The following CERS2 variants were observed in gnomAD, a reference collection of about 807,000 sequenced individuals.
The protein encoded by CERS2 is ceramide synthase 2.
CERS2 carries 20 observed loss-of-function variants against 56.6 expected under a neutral mutation model. That is an observed-to-expected ratio of 0.35 (90% CI 0.25 to 0.51). The LOEUF (loss-of-function observed/expected upper bound fraction) is 0.51, where lower values mean the gene tolerates loss of function less well. Ranked by LOEUF, CERS2 falls within the 20% of genes least tolerant of loss-of-function variation. The probability of loss-of-function intolerance (pLI) is 0.96; values close to 1 mark genes in which losing one functional copy is unlikely to be tolerated. For synonymous variants in CERS2, 187 were observed against 175.4 expected (o/e 1.07, Z -0.52); for missense variants, 361 against 488.6 (o/e 0.74, Z 2.46).
intron 2 of CERS2, 88 bp downstream of exon 2, chr1:150,968,830 G>C (rs1378863274): frequency 7.0e-6 from 9 of 1,293,354 alleles, no homozygotes; most frequent in Non-Finnish European, 7.7e-6. Context: ...AGGGTCAAGG[G>C]CTAATTAAAC....
Position 150,974,784 on chromosome 1 carries a change from G to C in CERS2, c.-167C>G, listed in dbSNP as rs1571680703. ...CCTCCCTCCTCCGCCAGCCGCCGGCGCCGCCGCCGCCGCCCGCCGAGCCCA... is the reference window on the plus strand; with the variant it reads ...CCTCCCTCCTCCGCCAGCCGCCGGCCCCGCCGCCGCCGCCCGCCGAGCCCA... On this transcript the variant is annotated 5_prime_UTR_variant, in exon 1 of 11. Transcript: ENST00000368954. 6.6e-6 allele frequency: 1 copy of C among 152,368 alleles called. No individual in the cohort carries two copies. The highest frequency in any genetic ancestry group is 1.5e-5 in the Non-Finnish European group (1 of 68,764). 9.4% of individuals were successfully genotyped at this position (152,368 alleles called of 1,614,324 possible).
chr1:150,966,370 T>C, intron 10 of CERS2, 82 bp from the exon 11 acceptor site: 1 of 1,598,236 alleles, frequency 6.3e-7, no homozygotes, highest in Non-Finnish European at 8.5e-7. Flanking sequence ...CTTGTTCCTG[T>C]TATACCCAGG....
rs919223742 is a variant in CERS2, at chr1:150,967,552, C to T, written c.520-68G>A. The stretch of plus-strand genomic sequence containing the variant: ...GTCCCCACTCCACAAACCCCCTAGC[C>T]CCTGAGGTTCTTCATTCCATCACTC... On this transcript the variant is annotated intron_variant, in intron 6 of 10. Coordinates refer to ENST00000368954, the MANE Select transcript of CERS2 (RefSeq NM_022075.5). The T allele has an allele frequency of 5.0e-6, 7 of 1,395,756 alleles. No homozygotes were observed. In the Admixed American group the frequency reaches 5.0e-5, roughly 10 times the overall value. 86.5% of individuals were successfully genotyped at this position (1,395,756 alleles called of 1,614,324 possible).
intron 1 of CERS2, among the ~76,000 whole-genome samples, chr1:150,970,600 C>A (rs913442066): frequency 1.3e-5 from 2 of 152,184 alleles, no homozygotes; most frequent in African/African-American, 4.8e-5. Context: ...AAGCCATCCT[C>A]CCCTCCTGCC....
chr1:150,966,153 C>A lies in CERS2; in HGVS notation c.1138G>T (p.Asp380Tyr), dbSNP rs955626155. The A allele has an allele frequency of 6.2e-7, 1 of 1,611,518 alleles. No homozygotes were observed. The highest frequency in any genetic ancestry group is 8.5e-7 in the Non-Finnish European group (1 of 1,179,262). ...GAGGCAGCTGGAGTAATGGTTCAGT[C>A]ATTCTTACGATGGTTGTTATTGAGG... Reference protein sequence around the residue: ...PILNNNHRKND With the variant: ...PILNNNHRKNY Residue 380 changes from aspartate (D) to tyrosine (Y), a missense_variant, in exon 11 of 11, where the codon GAC becomes TAC. Coordinates refer to ENST00000368954, the MANE Select transcript of CERS2 (RefSeq NM_022075.5).
In CERS2 at chr1:150,969,579, A is replaced by AG. The variant is rs587718351; in HGVS notation, c.-1-489_-1-488insC. On this transcript the variant is annotated intron_variant, in intron 1 of 10. Transcript: ENST00000368954. ...GACAGCGAGACTGTCTCAAAAAAAA[A>AG]AAAAAAGCATTTATTGTCTACAGCA... Among the ~76,000 whole-genome samples, 45 of 152,018 alleles carry AG rather than the reference A, an allele frequency of 3.0e-4. No individual in the cohort carries two copies. In the East Asian group the frequency reaches 8.5e-3, roughly 29 times the overall value.
At chr1:150,969,521 G>A (rs2102770413) in intron 1 of CERS2, among the ~76,000 whole-genome samples, 1 of 150,914 alleles carries the variant, frequency 6.6e-6, no homozygotes, top group Non-Finnish European at 1.5e-5. Flanking sequence ...GTTGCAGTGA[G>A]CCGGAATCAC....
chr1:150,968,037 A>G (rs1469364467), intron 4 of CERS2, 46 bp downstream of exon 4: 1 of 1,557,458 alleles, frequency 6.4e-7, no homozygotes, highest in Admixed American at 1.7e-5. Context: ...AGCAAGACAC[A>G]TCAGGATATT....
intron 4 of CERS2, 96 bp downstream of exon 4, chr1:150,967,987 C>T (rs1671071212): frequency 7.3e-7 from 1 of 1,377,354 alleles, no homozygotes. Flanking sequence ...GAATTCACCT[C>T]CTCACATCTC....
chr1:150,971,081 C>A (rs2102772077), intron 1 of CERS2, among the ~76,000 whole-genome samples: 2 of 152,340 alleles, frequency 1.3e-5, no homozygotes, highest in Middle Eastern at 3.4e-3. Flanking sequence ...CTGGGTCCAG[C>A]AAACACCTGG....
chr1:150,970,227 CAA>C (rs35333038), intron 1 of CERS2, among the ~76,000 whole-genome samples: 131 of 51,146 alleles, frequency 2.6e-3, no homozygotes, highest in Admixed American at 3.3e-3. Context: ...GACTCTGTCT[CAA>C]AAAAAAAAAA....
At position 150,968,261 on chromosome 1, in the gene CERS2, G is replaced by C. The variant is rs1001893967; in HGVS notation, c.292-60C>G. ...CCTTCGGAACTCAGCAGCATCCCCA[G>C]CCTCTCCCAGTAACAACCTCAGTCA... On this transcript the variant is annotated intron_variant, in intron 3 of 10. Transcript: ENST00000368954. The C allele has an allele frequency of 4.2e-5, 65 of 1,541,820 alleles. 2 individuals carry two copies. The highest frequency in any genetic ancestry group is 2.6e-5 in the Non-Finnish European group (29 of 1,118,418).
chr1:150,971,782 A>G (rs1384448613), intron 1 of CERS2: 1 of 464,224 alleles, frequency 2.2e-6, no homozygotes, highest in Non-Finnish European at 4.5e-6. Context: ...ATGTGTGCAC[A>G]TGGCCCCCTC....
chr1:150,966,963 T>G, intron 8 of CERS2, 101 bp from the exon 9 acceptor site: 1 of 1,474,526 alleles, frequency 6.8e-7, no homozygotes. Flanking sequence ...GCCCTCCTCC[T>G]TGGTCCCAGG....
chr1:150,966,111 T>C lies in CERS2; in HGVS notation c.*37A>G, dbSNP rs1410009853. ...GCAGGGAGCGGGGTAGTTCCTTGGC[T>C]TTATGCATTAATCTGGGAGGCAGCT... On this transcript the variant is annotated 3_prime_UTR_variant, in exon 11 of 11. Coordinates refer to ENST00000368954, the MANE Select transcript of CERS2 (RefSeq NM_022075.5). 1 of 1,602,652 alleles carries C rather than the reference T, an allele frequency of 6.2e-7. No individual in the cohort carries two copies. The highest frequency in any genetic ancestry group is 8.5e-7 in the Non-Finnish European group (1 of 1,174,458).
Position 150,965,412 on chromosome 1 carries a change from T to C in CERS2, c.*736A>G, listed in dbSNP as rs1571669636. ...ACCCCAAATATTTAATAAATAAAAA[T>C]TAGAATTAGTTGCCATTCTACTCCA... is the stretch of plus-strand genomic sequence containing the variant. On this transcript the variant is annotated 3_prime_UTR_variant, in exon 11 of 11. Transcript: ENST00000368954. 3 of 152,544 alleles carry C rather than the reference T, an allele frequency of 2.0e-5. No individual in the cohort carries two copies. In the South Asian group the frequency reaches 6.2e-4, roughly 32 times the overall value. 9.4% of individuals were successfully genotyped at this position (152,544 alleles called of 1,614,324 possible).
At chr1:150,969,498 C>T (rs993649357) in intron 1 of CERS2, among the ~76,000 whole-genome samples, 2 of 151,766 alleles carry the variant, frequency 1.3e-5, no homozygotes, top group Non-Finnish European at 2.9e-5. Context: ...TCGCTTGAAC[C>T]CAGGAGGCAG....
At chr1:150,971,925 A>G (rs1558034312) in intron 1 of CERS2, 1 of 471,092 alleles carries the variant, frequency 2.1e-6, no homozygotes, top group East Asian at 6.9e-5. Context: ...TGGCAGTCCT[A>G]GACTTCAGAT....
Position 150,966,086 on chromosome 1 carries a change from G to A in CERS2, c.*62C>T, listed in dbSNP as rs1003962586. 4.3e-5 allele frequency: 64 copies of A among 1,490,254 alleles called. No individual in the cohort carries two copies. Among genetic ancestry groups the A allele is most frequent in the East Asian group, 1.6e-4 (7 of 43,296 alleles). The allele number at this position is 1,490,254 out of a possible 1,614,324, so 92.3% of individuals were successfully genotyped here. ...CCAGAGCTTAAAGTGACCCTATAGCGCAGGGAGCGGGGTAGTTCCTTGGCT... is the reference window on the plus strand; with the variant it reads ...CCAGAGCTTAAAGTGACCCTATAGCACAGGGAGCGGGGTAGTTCCTTGGCT... On this transcript the variant is annotated 3_prime_UTR_variant, in exon 11 of 11. Transcript: ENST00000368954.
Sources: allele counts gnomAD v4.1 joint callset (sites outside exome capture counted in the v4.1 genomes callset), GRCh38; gene constraint gnomAD v4.1.1; transcripts MANE v1.5; gene names NCBI Gene and HGNC (gene_info 2026-07-23, HGNC 2026-07-21).